The following SCTR variants were observed in gnomAD, a reference collection of about 807,000 sequenced individuals.
SCTR encodes the protein pancreatic secretin receptor.
Under a neutral mutation model 60.8 loss-of-function variants are expected in SCTR, and 56 were observed. The ratio of observed to expected loss-of-function variants is 0.92; its 90% confidence interval spans 0.74 to 1.15. The LOEUF is 1.15. SCTR is among the 50% of genes most tolerant of loss of function. SCTR has a pLI of 0.00. For missense variants in SCTR, 562 were observed against 550.4 expected (o/e 1.02, Z -0.21); for synonymous variants, 202 against 217.0 (o/e 0.93, Z 0.61).
intron 7 of SCTR, 34 bp downstream of exon 7, chr2:119,461,813 A>C: frequency 3.2e-6 from 5 of 1,580,000 alleles, no homozygotes; most frequent in Non-Finnish European, 4.3e-6. Context: ...CTTCCCACAT[A>C]CCATGCAGAT....
intron 1 of SCTR, among the ~76,000 whole-genome samples, chr2:119,497,332 C>G (rs1403394004): frequency 6.6e-6 from 1 of 151,188 alleles, no homozygotes; most frequent in Non-Finnish European, 1.5e-5. Context: ...GCACCCATTC[C>G]CCCCACTTCC....
Position 119,464,897 on chromosome 2 carries a change from C to A in SCTR, c.504-642G>T, listed in dbSNP as rs141017723. 6.5e-3 allele frequency among the ~76,000 whole-genome samples: 991 copies of A among 152,320 alleles called. 8 individuals are homozygous for A. The highest frequency in any genetic ancestry group is 0.01 in the Non-Finnish European group (695 of 68,034). On this transcript the variant is annotated intron_variant, in intron 5 of 12. Transcript: ENST00000019103. Reference sequence around the variant, plus strand: ...ACACAGGCTGCGGGGAGAAAGCAGACCCTGGCTCTGCCACTTAGCAGCTAT... The same window carrying A: ...ACACAGGCTGCGGGGAGAAAGCAGAACCTGGCTCTGCCACTTAGCAGCTAT...
chr2:119,464,010 T>C lies in SCTR; in HGVS notation c.636+113A>G, dbSNP rs992094394. The stretch of plus-strand genomic sequence containing the variant: ...TGGCTGCTTTATCCTTGGTATTAAG[T>C]GCAGCCTCAGCAGGGGCTTGGGGGA... On this transcript the variant is annotated intron_variant, in intron 6 of 12. Transcript: ENST00000019103. The C allele has an allele frequency of 6.9e-6, 8 of 1,151,218 alleles. No individual in the cohort carries two copies. In the African/African-American group the frequency reaches 1.2e-4, roughly 17 times the overall value. 71.3% of individuals were successfully genotyped at this position (1,151,218 alleles called of 1,614,324 possible). A position where few individuals can be genotyped will look rare whatever the true frequency, so the allele number is the denominator to read the frequency against.
chr2:119,469,138 T>C (rs1676868568), intron 4 of SCTR, among the ~76,000 whole-genome samples: 2 of 152,178 alleles, frequency 1.3e-5, no homozygotes, highest in East Asian at 1.9e-4. Context: ...CTTGAATTAA[T>C]GGTTCCTAGG....
intron 1 of SCTR, among the ~76,000 whole-genome samples, chr2:119,519,053 C>T (rs577374005): frequency 3.3e-5 from 5 of 152,256 alleles, no homozygotes; most frequent in Admixed American, 6.5e-5. Flanking sequence ...CTGCAACCTC[C>T]GCCTCCCAAG....
At position 119,440,245 on chromosome 2, in the gene SCTR, C is replaced by A. The variant is rs761388559; in HGVS notation, c.1195G>T (p.Val399Phe). The A allele has an allele frequency of 6.2e-7, 1 of 1,613,562 alleles. No homozygotes were observed. Among genetic ancestry groups the A allele is most frequent in the South Asian group, 1.1e-5 (1 of 90,984 alleles). The change falls in exon 13 of 13, where the codon GTT becomes TTT. Residue 399 changes from valine to phenylalanine, a missense_variant. Val to Phe is a conservative substitution (Grantham distance 50, BLOSUM62 -1). Coordinates refer to ENST00000019103, the MANE Select transcript of SCTR (RefSeq NM_002980.3). The part of the protein sequence containing the change: ...CFLNGEVQLE[V>F]QKKWQQWHLR... ...TGCCATTGCTGCCACTTCTTCTGAACCTCCAGCTGCACCTGCCCGGGAGAC... is the reference window on the plus strand; with the variant it reads ...TGCCATTGCTGCCACTTCTTCTGAAACTCCAGCTGCACCTGCCCGGGAGAC...
chr2:119,457,742 A>C (rs992305680), intron 7 of SCTR, among the ~76,000 whole-genome samples: 4 of 152,162 alleles, frequency 2.6e-5, no homozygotes, highest in Non-Finnish European at 5.9e-5. Flanking sequence ...TTATATTCTT[A>C]TCTTCCATCA....
At chr2:119,485,858 C>A (rs531161915) in intron 2 of SCTR, 1 of 152,708 alleles carries the variant, frequency 6.5e-6, no homozygotes, top group African/African-American at 2.4e-5. Context: ...TGGCTTAGGA[C>A]GAGCTCCTGC....
intron 1 of SCTR, among the ~76,000 whole-genome samples, chr2:119,496,622 G>A (rs900882211): frequency 6.6e-6 from 1 of 152,216 alleles, no homozygotes; most frequent in African/African-American, 2.4e-5. Context: ...GAATGACCCA[G>A]TGGTGAGTCC....
chr2:119,523,515 A>T (rs1384602759), intron 1 of SCTR, among the ~76,000 whole-genome samples: 1 of 151,450 alleles, frequency 6.6e-6, no homozygotes, highest in Non-Finnish European at 1.5e-5. Flanking sequence ...GCACGCAGAC[A>T]TTAGGGAGCC....
intron 1 of SCTR, among the ~76,000 whole-genome samples, chr2:119,516,919 G>A (rs1326884495): frequency 6.6e-6 from 1 of 152,166 alleles, no homozygotes; most frequent in Non-Finnish European, 1.5e-5. Flanking sequence ...AGTGAGCTGA[G>A]ATCGCACCAT....
chr2:119,507,909 C>A (rs1246110168), intron 1 of SCTR, among the ~76,000 whole-genome samples: 1 of 152,100 alleles, frequency 6.6e-6, no homozygotes, highest in Non-Finnish European at 1.5e-5. Flanking sequence ...GATCTCTTGA[C>A]CTCGTGATCT....
intron 9 of SCTR, 49 bp from the exon 10 acceptor site, chr2:119,448,829 G>A: frequency 9.7e-7 from 1 of 1,034,960 alleles, no homozygotes; most frequent in Non-Finnish European, 1.5e-6. Flanking sequence ...TGCTTTTCCA[G>A]CCACCTCTCC....
intron 8 of SCTR, 29 bp from the exon 9 acceptor site, chr2:119,452,108 T>C (rs144840015): frequency 0.016 from 23,856 of 1,478,992 alleles, 332 homozygotes; most frequent in South Asian, 0.044. Context: ...GGCATGGTTA[T>C]GAGCAGGAGC....
intron 1 of SCTR, among the ~76,000 whole-genome samples, chr2:119,499,851 G>A (rs1035753280): frequency 1.5e-4 from 23 of 151,936 alleles, no homozygotes; most frequent in African/African-American, 4.8e-4. Flanking sequence ...CTTGCCTTAA[G>A]GATGGCAAGA....
chr2:119,507,650 C>CCT (rs1327039232), intron 1 of SCTR, among the ~76,000 whole-genome samples: 1 of 148,544 alleles, frequency 6.7e-6, no homozygotes, highest in Non-Finnish European at 1.5e-5. Flanking sequence ...CATTCCATTT[C>CCT]CTCTTTCTCG....
intron 3 of SCTR, chr2:119,476,460 C>G (rs1162273002): frequency 6.6e-6 from 1 of 152,264 alleles, no homozygotes; most frequent in Non-Finnish European, 1.5e-5. Flanking sequence ...GGCACAGGAC[C>G]CCAGCTTCCA....
intron 1 of SCTR, among the ~76,000 whole-genome samples, chr2:119,517,765 T>C (rs1190810558): frequency 6.6e-6 from 1 of 152,128 alleles, no homozygotes; most frequent in Non-Finnish European, 1.5e-5. Context: ...TGTGTTGTCC[T>C]GGGAAGGAAG....
At chr2:119,508,383 C>CTTCTTTTTTTTTTTTTTTTTTT (rs1678823151) in intron 1 of SCTR, among the ~76,000 whole-genome samples, 1 of 77,376 alleles carries the variant, frequency 1.3e-5, no homozygotes, top group Non-Finnish European at 2.3e-5. Context: ...TCTTCTTCTT[C>CTTCTTTTTTTTTTTTTTTTTTT]TTTTTTTTTT....
Sources: allele counts gnomAD v4.1 joint callset (sites outside exome capture counted in the v4.1 genomes callset), GRCh38; gene constraint gnomAD v4.1.1; transcripts MANE v1.5; gene names NCBI Gene and HGNC (gene_info 2026-07-23, HGNC 2026-07-21).